Variants in RPS6KC1 observed in about 807,000 individuals in gnomAD.
RPS6KC1 encodes the protein ribosomal protein S6 kinase C1, also known as inactive ribosomal protein S6 kinase delta-1.
A neutral mutation model predicts 103.8 loss-of-function variants in RPS6KC1; 54 were observed. That is an observed-to-expected ratio of 0.52 (90% CI 0.42 to 0.65). The LOEUF (loss-of-function observed/expected upper bound fraction) is 0.65, where lower values mean the gene tolerates loss of function less well. RPS6KC1 is among the 30% of genes least tolerant of loss of function. The probability of loss-of-function intolerance (pLI) is 0.00; values close to 1 mark genes in which losing one functional copy is unlikely to be tolerated. For synonymous variants in RPS6KC1, 439 were observed against 438.7 expected (o/e 1.00, Z -0.01); for missense variants, 1,151 against 1,253.8 (o/e 0.92, Z 1.24).
the RPS6KC1 span, among the ~76,000 whole-genome samples, chr1:213,860,076 A>T: frequency 6.6e-6 from 1 of 151,682 alleles, no homozygotes; most frequent in Non-Finnish European, 1.5e-5. Flanking sequence ...AGGGCCTGAC[A>T]TAGAAAAAAG....
chr1:213,313,605 C>T, the RPS6KC1 span, among the ~76,000 whole-genome samples: 1 of 152,150 alleles, frequency 6.6e-6, no homozygotes, highest in Non-Finnish European at 1.5e-5. Context: ...ATTTGTATGT[C>T]TTAGTTCTTT....
At chr1:213,310,554 A>T in the RPS6KC1 span, among the ~76,000 whole-genome samples, 8 of 151,770 alleles carry the variant, frequency 5.3e-5, no homozygotes, top group African/African-American at 1.9e-4. Flanking sequence ...ACCCTTTTCT[A>T]CTTAATTTTT....
intron 8 of RPS6KC1, among the ~76,000 whole-genome samples, chr1:213,202,486 G>A (rs566702047): frequency 3.3e-5 from 5 of 152,048 alleles, no homozygotes; most frequent in African/African-American, 1.2e-4. Flanking sequence ...GGTGGCGGGT[G>A]CCTGTAATCC....
chr1:213,661,041 A>G, the RPS6KC1 span, among the ~76,000 whole-genome samples: 2 of 152,112 alleles, frequency 1.3e-5, no homozygotes, highest in African/African-American at 4.8e-5. Context: ...GCCTAGAACA[A>G]TTGTCATCTC....
the RPS6KC1 span, among the ~76,000 whole-genome samples, chr1:213,425,411 G>GA: frequency 1.7e-4 from 25 of 150,230 alleles, no homozygotes; most frequent in Non-Finnish European, 3.4e-4. Flanking sequence ...TCCTCCATTA[G>GA]AAAAAAAAAG....
At chr1:213,854,498 ATCTCTTTCTT>A in the RPS6KC1 span, among the ~76,000 whole-genome samples, 30 of 141,134 alleles carry the variant, frequency 2.1e-4, 1 homozygote, top group Admixed American at 1.5e-3. Context: ...GGCCAATATA[ATCTCTTTCTT>A]TCTCTTTCTT....
At chr1:213,570,424 C>T in the RPS6KC1 span, among the ~76,000 whole-genome samples, 3 of 152,298 alleles carry the variant, frequency 2.0e-5, no homozygotes, top group East Asian at 3.9e-4. Flanking sequence ...GTTACGGACC[C>T]ACGTCCCAAC....
the RPS6KC1 span, among the ~76,000 whole-genome samples, chr1:213,488,715 A>G: frequency 6.6e-6 from 1 of 152,200 alleles, no homozygotes; most frequent in Non-Finnish European, 1.5e-5. Flanking sequence ...GCAACTAAAA[A>G]CTAATTCTGG....
intron 1 of RPS6KC1, among the ~76,000 whole-genome samples, chr1:213,056,015 C>T (rs2148287396): frequency 6.6e-6 from 1 of 152,258 alleles, no homozygotes; most frequent in African/African-American, 2.4e-5. Flanking sequence ...GTGTTACTCC[C>T]TCCTCAGCCT....
chr1:213,689,286 C>T, the RPS6KC1 span, among the ~76,000 whole-genome samples: 1 of 152,162 alleles, frequency 6.6e-6, no homozygotes, highest in African/African-American at 2.4e-5. Context: ...GGTCCCTTCT[C>T]TTTAGTCTCC....
chr1:213,241,123 CT>C lies in RPS6KC1; in HGVS notation c.1649del (p.Phe550SerfsTer16), dbSNP rs1245486746. On this transcript the variant is annotated frameshift_variant, in exon 11 of 15. Coordinates refer to ENST00000366960, the MANE Select transcript of RPS6KC1 (RefSeq NM_012424.6). LOFTEE classifies it high-confidence loss of function. Reference protein sequence around the residue: ...NGVDTKAIKSFPAHLAADSDS... With the variant: ...NGVDTKAIKSXPAHLAADSDS... ...GTGTTGATACAAAAGCTATTAAAAGCTTCCCAGCACACCTTGCTGCTGACAG... is the reference window on the plus strand; with the variant it reads ...GTGTTGATACAAAAGCTATTAAAAGCTCCCAGCACACCTTGCTGCTGACAG... The C allele has an allele frequency of 1.2e-6, 2 of 1,613,784 alleles. No individual in the cohort carries two copies. The highest frequency in any genetic ancestry group is 1.7e-6 in the Non-Finnish European group (2 of 1,179,888).
At chr1:213,206,684 A>G (rs2093358220) in intron 8 of RPS6KC1, among the ~76,000 whole-genome samples, 1 of 152,250 alleles carries the variant, frequency 6.6e-6, no homozygotes, top group Admixed American at 6.5e-5. Context: ...TTATTTCAAG[A>G]TAGTTAAGTT....
intron 7 of RPS6KC1, among the ~76,000 whole-genome samples, chr1:213,172,701 G>A (rs1324195918): frequency 6.6e-6 from 1 of 152,154 alleles, no homozygotes; most frequent in Non-Finnish European, 1.5e-5. Flanking sequence ...GAGACTGTGG[G>A]ATTAACAGAG....
chr1:213,606,092 C>T, the RPS6KC1 span, among the ~76,000 whole-genome samples: 1 of 152,124 alleles, frequency 6.6e-6, no homozygotes, highest in Non-Finnish European at 1.5e-5. Flanking sequence ...TATTGACAGA[C>T]ATAGTTTCTG....
the RPS6KC1 span, among the ~76,000 whole-genome samples, chr1:213,281,338 A>G: frequency 1.3e-5 from 2 of 152,246 alleles, no homozygotes; most frequent in Non-Finnish European, 2.9e-5. Context: ...TATTTTGAGA[A>G]CATGCTTTTT....
intron 4 of RPS6KC1, among the ~76,000 whole-genome samples, chr1:213,113,800 C>A (rs2148858153): frequency 6.6e-6 from 1 of 152,212 alleles, no homozygotes; most frequent in South Asian, 2.1e-4. Flanking sequence ...TTCCCAGCAC[C>A]ATTTATTAAA....
At chr1:213,431,458 G>A in the RPS6KC1 span, among the ~76,000 whole-genome samples, 1 of 151,890 alleles carries the variant, frequency 6.6e-6, no homozygotes, top group African/African-American at 2.4e-5. Flanking sequence ...ACCCTTTCTG[G>A]TCATTATCCA....
chr1:213,104,362 C>T (rs2082277265), intron 3 of RPS6KC1, 92 bp from the exon 4 acceptor site: 3 of 741,534 alleles, frequency 4.0e-6, no homozygotes, highest in Non-Finnish European at 6.8e-6. Flanking sequence ...AAGTGATAGG[C>T]CTGCTGCTGC....
Position 213,240,970 on chromosome 1 carries a change from A to G in RPS6KC1, c.1494A>G (p.Pro498=), listed in dbSNP as rs2094337359. The change falls in exon 11 of 15, where the codon CCA becomes CCG. Residue 498 remains proline (P), a synonymous_variant. Coordinates refer to ENST00000366960, the MANE Select transcript of RPS6KC1 (RefSeq NM_012424.6). The stretch of plus-strand genomic sequence containing the variant: ...GCCAAGATAGCTCTCCAAAGTGGCC[A>G]GATTCTGGTTCAAGTTCAGAAGAAG... ...DDGQDSSPKW[P]DSGSSSEEEC... is the part of the protein sequence containing the mutation. 1 of 1,613,772 alleles carries G rather than the reference A, an allele frequency of 6.2e-7. No homozygotes were observed. Among genetic ancestry groups the G allele is most frequent in the African/African-American group, 1.3e-5 (1 of 74,934 alleles).
Sources: gnomAD v4.1 joint callset for allele counts (sites outside exome capture counted in the v4.1 genomes callset) on GRCh38, gnomAD v4.1.1 for gene constraint, MANE v1.5 for transcripts, NCBI Gene and HGNC (gene_info 2026-07-23, HGNC 2026-07-21) for gene names.